Variants in GALNTL6 observed in about 807,000 individuals in gnomAD.
The protein encoded by GALNTL6 is polypeptide N-acetylgalactosaminyltransferase like 6.
GALNTL6 carries 46 observed loss-of-function variants against 73.7 expected under a neutral mutation model. The ratio of observed to expected loss-of-function variants is 0.62; its 90% CI spans 0.49 to 0.80. The LOEUF is 0.80. GALNTL6 is among the 30% of genes least tolerant of loss of function. The pLI, the probability that GALNTL6 is intolerant of heterozygous loss-of-function variation, is 0.00. For missense variants in GALNTL6, 604 were observed against 755.0 expected (o/e 0.80, Z 2.34); for synonymous variants, 259 against 263.7 (o/e 0.98, Z 0.17).
chr4:172,675,815 C>T (rs182478409), intron 5 of GALNTL6, among the ~76,000 whole-genome samples: 129 of 152,164 alleles, frequency 8.5e-4, no homozygotes, highest in African/African-American at 2.5e-3. Context: ...ATCACTATGC[C>T]CTAAAGAAAG....
intron 10 of GALNTL6, among the ~76,000 whole-genome samples, chr4:172,967,140 G>C (rs141223481): frequency 6.6e-6 from 1 of 152,170 alleles, no homozygotes; most frequent in Non-Finnish European, 1.5e-5. Context: ...AGGAATTAAC[G>C]TTTACCTTAT....
At chr4:172,453,933 T>C (rs1732304166) in intron 5 of GALNTL6, among the ~76,000 whole-genome samples, 1 of 152,208 alleles carries the variant, frequency 6.6e-6, no homozygotes, top group Non-Finnish European at 1.5e-5. Flanking sequence ...TAAATAAGAC[T>C]GTACAACTTA....
intron 5 of GALNTL6, among the ~76,000 whole-genome samples, chr4:172,753,753 AG>A: frequency 6.6e-6 from 1 of 152,300 alleles, no homozygotes; most frequent in Non-Finnish European, 1.5e-5. Context: ...TTAGTTTGCT[AG>A]GCAGTTTAGT....
intron 5 of GALNTL6, among the ~76,000 whole-genome samples, chr4:172,794,393 C>A (rs1266570604): frequency 6.6e-6 from 1 of 152,114 alleles, no homozygotes; most frequent in Non-Finnish European, 1.5e-5. Flanking sequence ...AGTTTGTTGT[C>A]TTACCTAGGG....
chr4:171,905,086 C>A (rs1465842495), intron 2 of GALNTL6, among the ~76,000 whole-genome samples: 1 of 152,150 alleles, frequency 6.6e-6, no homozygotes, highest in Non-Finnish European at 1.5e-5. Context: ...ACTGCATCAA[C>A]TAATGAGCAA....
chr4:172,764,338 C>A (rs1401409792), intron 5 of GALNTL6, among the ~76,000 whole-genome samples: 4 of 152,122 alleles, frequency 2.6e-5, no homozygotes, highest in African/African-American at 7.2e-5. Flanking sequence ...TGTTGAAAAA[C>A]CATTTGGAAA....
At chr4:172,229,346 T>G (rs1315040705) in intron 2 of GALNTL6, among the ~76,000 whole-genome samples, 1 of 152,136 alleles carries the variant, frequency 6.6e-6, no homozygotes, top group Non-Finnish European at 1.5e-5. Context: ...ATATTTACAC[T>G]TTGGGCAAAT....
rs553428620 is a variant in GALNTL6 at position 171,920,247 on chromosome 4, G to A, written c.138+105529G>A. On this transcript the variant is annotated intron_variant, in intron 2 of 12. Transcript: ENST00000506823. Reference sequence around the variant, plus strand: ...CCTGTTTTGGGGTAGGGGGAGAGGGGAGGGATAGCATTAGGAGATATACCT... The same window carrying A: ...CCTGTTTTGGGGTAGGGGGAGAGGGAAGGGATAGCATTAGGAGATATACCT... 4.6e-5 allele frequency among the ~76,000 whole-genome samples: 7 copies of A among 152,114 alleles called. No homozygotes were observed. The South Asian group carries it at 8.3e-4, about 18-fold the overall frequency.
intron 10 of GALNTL6, among the ~76,000 whole-genome samples, chr4:172,969,946 C>A (rs1023979287): frequency 1.3e-5 from 2 of 152,018 alleles, no homozygotes; most frequent in Non-Finnish European, 2.9e-5. Context: ...AGAGAAAAAC[C>A]ACAAAGAGAG....
chr4:171,819,577 AT>A, intron 2 of GALNTL6, among the ~76,000 whole-genome samples: 2 of 152,182 alleles, frequency 1.3e-5, no homozygotes, highest in Middle Eastern at 6.8e-3. Flanking sequence ...AAAGGATTGA[AT>A]TTTTTTGTTT....
intron 2 of GALNTL6, among the ~76,000 whole-genome samples, chr4:171,931,404 T>G (rs1738181099): frequency 6.6e-6 from 1 of 152,208 alleles, no homozygotes; most frequent in African/African-American, 2.4e-5. Flanking sequence ...CACCCTTGAT[T>G]GCAGACACAT....
At chr4:172,016,615 A>G (rs1261941145) in intron 2 of GALNTL6, among the ~76,000 whole-genome samples, 1 of 152,050 alleles carries the variant, frequency 6.6e-6, no homozygotes, top group East Asian at 1.9e-4. Context: ...CTAGGAAGCT[A>G]GTGTGATATT....
chr4:172,620,263 C>A (rs1177427547), intron 5 of GALNTL6, among the ~76,000 whole-genome samples: 1 of 151,480 alleles, frequency 6.6e-6, no homozygotes, highest in Non-Finnish European at 1.5e-5. Flanking sequence ...TTTTACCGTG[C>A]AGAATTATTC....
Position 172,528,963 on chromosome 4 carries a change from ATGTG to A in GALNTL6, c.553+180280_553+180283del, listed in dbSNP as rs373123425. Among the ~76,000 whole-genome samples the A allele has an allele frequency of 4.0e-3, 122 of 30,206 alleles. 7 individuals are homozygous for A. The highest frequency in any genetic ancestry group is 7.8e-3 in the African/African-American group (117 of 14,956). The allele number at this position is 30,206 out of a possible 152,430, so 19.8% of individuals were successfully genotyped here. On this transcript the variant is annotated intron_variant, in intron 5 of 12. Transcript: ENST00000506823. ...TGTTTTCCCAAAGGCATATATATAT[ATGTG>A]TGTGTATATTTATACATATGTGTGT...
intron 5 of GALNTL6, among the ~76,000 whole-genome samples, chr4:172,613,009 T>TGG (rs1738587013): frequency 6.6e-6 from 1 of 152,090 alleles, no homozygotes; most frequent in East Asian, 1.9e-4. Flanking sequence ...AGTCACTGAA[T>TGG]GTGCTCCAAC....
At chr4:172,441,162 T>C (rs1430016176) in intron 5 of GALNTL6, among the ~76,000 whole-genome samples, 2 of 152,252 alleles carry the variant, frequency 1.3e-5, no homozygotes, top group South Asian at 4.1e-4. Context: ...ACCAATGTCA[T>C]TTATTCAACT....
At chr4:172,779,795 T>G (rs772678318) in intron 5 of GALNTL6, among the ~76,000 whole-genome samples, 9 of 152,240 alleles carry the variant, frequency 5.9e-5, no homozygotes, top group Non-Finnish European at 1.3e-4. Flanking sequence ...AAACAATCTC[T>G]GAGTGGTCAT....
At chr4:172,732,859 T>G (rs1736234325) in intron 5 of GALNTL6, among the ~76,000 whole-genome samples, 1 of 152,222 alleles carries the variant, frequency 6.6e-6, no homozygotes, top group Non-Finnish European at 1.5e-5. Flanking sequence ...TATCTCCATC[T>G]GCCTTACATT....
chr4:171,940,282 T>A (rs1738488978), intron 2 of GALNTL6, among the ~76,000 whole-genome samples: 1 of 151,882 alleles, frequency 6.6e-6, no homozygotes, highest in Admixed American at 6.6e-5. Flanking sequence ...CTATTGATAA[T>A]CAAAGAGTGG....
Sources: allele counts gnomAD v4.1 joint callset (sites outside exome capture counted in the v4.1 genomes callset), GRCh38; gene constraint gnomAD v4.1.1; transcripts MANE v1.5; gene names NCBI Gene and HGNC (gene_info 2026-07-23, HGNC 2026-07-21).